AKNAD1: variants seen among roughly 807,000 people sequenced by gnomAD.
The protein encoded by AKNAD1 is AKNA domain containing 1.
In AKNAD1, 67 loss-of-function variants were observed where a neutral mutation model predicts 90.8. The ratio of observed to expected loss-of-function variants is 0.74; its 90% CI spans 0.61 to 0.90. The LOEUF is 0.90. Among genes scored for constraint, AKNAD1 ranks in the 40% least tolerant of loss-of-function variants. The pLI is 0.00. For synonymous variants in AKNAD1, 327 were observed against 341.4 expected (o/e 0.96, Z 0.46); for missense variants, 957 against 975.4 (o/e 0.98, Z 0.25).
At chr1:108,828,941 A>G (rs1161311512) in intron 10 of AKNAD1, among the ~76,000 whole-genome samples, 1 of 151,854 alleles carries the variant, frequency 6.6e-6, no homozygotes, top group Non-Finnish European at 1.5e-5. Context: ...ACTTAAATCC[A>G]AAGTTTTGCA....
At position 108,852,758 on chromosome 1, in the gene AKNAD1, G is replaced by C; in HGVS notation, c.-94C>G. On this transcript the variant is annotated 5_prime_UTR_variant, in exon 2 of 16. Transcript: ENST00000370001. ...CTGGTTCTCACTGACTGTCTTCACT[G>C]TGTGCTATTCTGTGTGAAATGAGAA... 3.3e-6 allele frequency: 4 copies of C among 1,225,802 alleles called. No homozygotes were observed. Among genetic ancestry groups the C allele is most frequent in the South Asian group, 1.6e-5 (1 of 64,154 alleles). 75.9% of individuals were successfully genotyped at this position (1,225,802 alleles called of 1,614,324 possible). A position where few individuals can be genotyped will look rare whatever the true frequency, so the allele number is the denominator to read the frequency against.
At chr1:108,839,455 C>A (rs967173364) in intron 6 of AKNAD1, among the ~76,000 whole-genome samples, 3 of 59,988 alleles carry the variant, frequency 5.0e-5, no homozygotes, top group African/African-American at 1.1e-4. Flanking sequence ...CCTGGAGGAG[C>A]GAGACTCCGT....
intron 5 of AKNAD1, among the ~76,000 whole-genome samples, chr1:108,844,377 C>CATATATATATATATATATAT (rs35559697): frequency 1.2e-4 from 18 of 145,116 alleles, no homozygotes; most frequent in African/African-American, 3.6e-4. Context: ...TCTCTCTCTC[C>CATATATATATATATATATAT]ATATATATAT....
rs1664903988 is a variant in AKNAD1, at chr1:108,852,620, C to T, written c.45G>A (p.Glu15=). 4.4e-6 allele frequency: 7 copies of T among 1,606,124 alleles called. No homozygotes were observed. Among genetic ancestry groups the T allele is most frequent in the Non-Finnish European group, 5.1e-6 (6 of 1,176,650 alleles). ...DFSEHTTYKQ[E]DLPYDGDLSQ... ...AGAGGTCCCCATCATAAGGCAAATC[C>T]TCCTGCTTATAAGTCGTGTGTTCTG... Residue 15 remains glutamate, a synonymous_variant, in exon 2 of 16, where the codon GAG becomes GAA. Transcript: ENST00000370001.
At chr1:108,826,231 C>A (rs1663992056) in intron 11 of AKNAD1, among the ~76,000 whole-genome samples, 1 of 151,748 alleles carries the variant, frequency 6.6e-6, no homozygotes, top group African/African-American at 2.4e-5. Context: ...GGAGGCATGG[C>A]TCTGGGCCAC....
chr1:108,817,052 G>A lies in AKNAD1; in HGVS notation c.2375C>T (p.Ser792Phe), dbSNP rs755078231. ...CDFDSTEEIKSEILNSALDHA... is the reference protein window; with the variant it reads ...CDFDSTEEIKFEILNSALDHA... ...AATGATTTTCTAAGTCCTCACCTCA[G>A]ATTTTATTTCTTCAGTGCTATCAAA... is the stretch of plus-strand genomic sequence containing the variant. Residue 792 changes from serine to phenylalanine, a missense_variant, in exon 15 of 16, where the codon TCT becomes TTT. Coordinates refer to ENST00000370001, the MANE Select transcript of AKNAD1 (RefSeq NM_152763.5). The A allele has an allele frequency of 1.9e-5, 30 of 1,613,824 alleles. No individual in the cohort carries two copies. In the Middle Eastern group the frequency reaches 1.6e-3, roughly 88 times the overall value.
At chr1:108,824,085 G>A (rs1309006100) in intron 11 of AKNAD1, among the ~76,000 whole-genome samples, 1 of 152,158 alleles carries the variant, frequency 6.6e-6, no homozygotes, top group Non-Finnish European at 1.5e-5. Context: ...CCAAGAGCTT[G>A]TATTTTGTCA....
At chr1:108,834,392 G>A (rs902738197) in intron 9 of AKNAD1, 55 bp downstream of exon 9, 50 of 1,444,260 alleles carry the variant, frequency 3.5e-5, no homozygotes, top group Non-Finnish European at 4.5e-5. Context: ...ACTGGTTTTA[G>A]TTAAAGAGCC....
intron 8 of AKNAD1, among the ~76,000 whole-genome samples, 184 bp from the exon 9 acceptor site, chr1:108,834,712 C>T (rs12061417): frequency 0.14 from 20,569 of 151,940 alleles, 1,527 homozygotes; most frequent in African/African-American, 0.19. Context: ...TCCCCCAGCC[C>T]CAGCTGTCCC....
At chr1:108,828,645 G>A (rs1030047655) in intron 10 of AKNAD1, among the ~76,000 whole-genome samples, 1 of 151,716 alleles carries the variant, frequency 6.6e-6, no homozygotes, top group African/African-American at 2.4e-5. Flanking sequence ...GCGGGTTTGT[G>A]GGGCTGGGGC....
At chr1:108,836,115 T>A (rs1443770527) in intron 7 of AKNAD1, among the ~76,000 whole-genome samples, 1 of 152,070 alleles carries the variant, frequency 6.6e-6, no homozygotes, top group African/African-American at 2.4e-5. Flanking sequence ...ATTTAGAGAG[T>A]TCTCATCATT....
chr1:108,818,745 C>G (rs1032437321), intron 14 of AKNAD1, among the ~76,000 whole-genome samples: 7 of 151,880 alleles, frequency 4.6e-5, no homozygotes, highest in Admixed American at 1.3e-4. Context: ...GGTGAATCAC[C>G]TGAGGTCAAG....
At chr1:108,842,842 AT>A (rs1557834815) in intron 6 of AKNAD1, among the ~76,000 whole-genome samples, 2 of 152,156 alleles carry the variant, frequency 1.3e-5, no homozygotes, top group Non-Finnish European at 2.9e-5. Context: ...CTCCAAACCA[AT>A]TATAATGATA....
Position 108,848,795 on chromosome 1 carries a change from C to A in AKNAD1, c.1202G>T (p.Arg401Ile). The change falls in exon 5 of 16, where the codon AGA becomes ATA. Residue 401 changes from arginine to isoleucine, a missense_variant. Physicochemically the swap from Arg to Ile is moderately conservative, Grantham distance 97 (BLOSUM62 -3). Coordinates refer to ENST00000370001, the MANE Select transcript of AKNAD1 (RefSeq NM_152763.5). ...ATGGTAAGGAGAGTCCTGTTTTATT[C>A]TTTTGGAAAATTCTTGTACCTGCAG... ...LKTKVQEFSK[R>I]IKQDSPYHLQ... 2 of 1,610,548 alleles carry A rather than the reference C, an allele frequency of 1.2e-6. No individual in the cohort carries two copies. The highest frequency in any genetic ancestry group is 1.7e-6 in the Non-Finnish European group (2 of 1,179,230).
chr1:108,837,559 G>A lies in AKNAD1; in HGVS notation c.1527C>T (p.Leu509=). 1 of 1,614,112 alleles carries A rather than the reference G, an allele frequency of 6.2e-7. No homozygotes were observed. Among genetic ancestry groups the A allele is most frequent in the Non-Finnish European group, 8.5e-7 (1 of 1,179,986 alleles). The stretch of plus-strand genomic sequence containing the variant: ...TACATTGCTGTATTACCTCATTTGA[G>A]AGTGAAGAGAAGGTGGAGGCCAAGT... ...LDDLASTFSS[L]SNEIPKEHPG... Residue 509 remains leucine, a synonymous_variant, in exon 7 of 16, where the codon CTC becomes CTT. Transcript: ENST00000370001.
chr1:108,847,458 A>C (rs896917551), intron 5 of AKNAD1, among the ~76,000 whole-genome samples: 5 of 151,674 alleles, frequency 3.3e-5, no homozygotes, highest in African/African-American at 1.2e-4. Context: ...AAAAAAAAAA[A>C]AACAAAAAAA....
chr1:108,829,622 G>A (rs985879669), intron 10 of AKNAD1, among the ~76,000 whole-genome samples: 1 of 152,136 alleles, frequency 6.6e-6, no homozygotes, highest in Non-Finnish European at 1.5e-5. Flanking sequence ...CGAGCTTCAT[G>A]CAGTTTCTTT....
Position 108,848,742 on chromosome 1 carries a change from A to C in AKNAD1, c.1245+10T>G. ...AATCAAGATTTTAAAAACGGGATAA[A>C]ATTCATTACCAGCTTCTTGTCTTGC... On this transcript the variant is annotated intron_variant, in intron 5 of 15. Coordinates refer to ENST00000370001, the MANE Select transcript of AKNAD1 (RefSeq NM_152763.5). The C allele has an allele frequency of 6.2e-7, 1 of 1,601,518 alleles. No homozygotes were observed. The highest frequency in any genetic ancestry group is 1.8e-4 in the Middle Eastern group (1 of 5,532).
chr1:108,853,708 C>A (rs570871416), intron 1 of AKNAD1, among the ~76,000 whole-genome samples: 31 of 151,844 alleles, frequency 2.0e-4, no homozygotes, highest in Non-Finnish European at 4.1e-4. Flanking sequence ...CTGAGGCAAG[C>A]GGATCACCTG....
Sources: allele counts gnomAD v4.1 joint callset (sites outside exome capture counted in the v4.1 genomes callset), GRCh38; gene constraint gnomAD v4.1.1; transcripts MANE v1.5; gene names NCBI Gene and HGNC (gene_info 2026-07-23, HGNC 2026-07-21).